The following OTUD5 variants were observed in gnomAD, a reference collection of about 807,000 sequenced individuals.
The protein encoded by OTUD5 is OTU deubiquitinase 5.
A neutral mutation model predicts 36.3 loss-of-function variants in OTUD5; 2 were observed. The observed-to-expected ratio is 0.06, with a 90% CI of 0.02 to 0.17. OTUD5 has a LOEUF of 0.17. Among genes scored for constraint, OTUD5 ranks in the 10% least tolerant of loss-of-function variants. The probability of loss-of-function intolerance (pLI) is 1.00; values close to 1 mark genes in which losing one functional copy is unlikely to be tolerated. For synonymous variants in OTUD5, 234 were observed against 214.9 expected, an observed-to-expected ratio of 1.09 and a Z score of -0.78; for missense variants, 233 against 512.3, an observed-to-expected ratio of 0.45 and a Z score of 5.26.
intron 1 of OTUD5, among the ~76,000 whole-genome samples, chrX:48,946,783 T>C (rs2064036610): frequency 8.9e-6 from 1 of 111,989 alleles, no homozygotes; most frequent in Non-Finnish European, 1.9e-5. Context: ...GTCCCAAACC[T>C]GACACAAGAA....
chrX:48,925,790 CA>C, intron 6 of OTUD5, 56 bp downstream of exon 6: 1 of 1,022,480 alleles, frequency 9.8e-7, no homozygotes, highest in East Asian at 3.2e-5. Flanking sequence ...CGCTTGAGGG[CA>C]AAGCATGAGA....
chrX:48,944,158 C>G, intron 2 of OTUD5, 32 bp downstream of exon 2: 2 of 1,048,389 alleles, frequency 1.9e-6, no homozygotes, highest in Non-Finnish European at 2.7e-6. Context: ...AGGGGCAGCC[C>G]TAGGCCCTTA....
intron 5 of OTUD5, among the ~76,000 whole-genome samples, chrX:48,932,872 C>T (rs2063777239): frequency 9.0e-6 from 1 of 110,611 alleles, no homozygotes; most frequent in Non-Finnish European, 1.9e-5. Flanking sequence ...CTCCCAGCTA[C>T]TCGGGAGGCT....
At chrX:48,928,917 T>C (rs782466231) in intron 5 of OTUD5, among the ~76,000 whole-genome samples, 5 of 101,535 alleles carry the variant, frequency 4.9e-5, no homozygotes, top group Non-Finnish European at 8.0e-5. Context: ...ACAAAGACAA[T>C]AGTGTTTGCA....
chrX:48,930,962 C>CA (rs372046426), intron 5 of OTUD5, among the ~76,000 whole-genome samples: 2,951 of 68,744 alleles, frequency 0.043, 134 homozygotes, highest in African/African-American at 0.14. Flanking sequence ...AACTCCCTCT[C>CA]AAAAAAAAAA....
intron 1 of OTUD5, among the ~76,000 whole-genome samples, chrX:48,954,244 C>T (rs1287214001): frequency 6.3e-5 from 7 of 110,822 alleles, no homozygotes; most frequent in South Asian, 3.8e-4. Context: ...TACAGGCATG[C>T]GCCACTATGC....
rs1557046329 is a variant in OTUD5, at chrX:48,922,087, G to A, written c.*1087C>T. The A allele has an allele frequency of 9.1e-6, 1 of 110,179 alleles. No individual in the cohort carries two copies. The highest frequency in any genetic ancestry group is 1.9e-5 in the Non-Finnish European group (1 of 52,726). 9.1% of individuals were successfully genotyped at this position (110,179 alleles called of 1,213,427 possible). A position where few individuals can be genotyped will look rare whatever the true frequency, so the allele number is the denominator to read the frequency against. On this transcript the variant is annotated 3_prime_UTR_variant, in exon 9 of 9. Coordinates refer to ENST00000376488, the MANE Select transcript of OTUD5 (RefSeq NM_001136157.2). Reference sequence around the variant, plus strand: ...GCAGCAAATCAAATACAAACTCCAGGCCCCCAGACAGACCCTGCTGGAGAG... The same window carrying A: ...GCAGCAAATCAAATACAAACTCCAGACCCCCAGACAGACCCTGCTGGAGAG...
chrX:48,931,631 T>A (rs1307859374), intron 5 of OTUD5, among the ~76,000 whole-genome samples: 1 of 107,755 alleles, frequency 9.3e-6, no homozygotes, highest in Non-Finnish European at 1.9e-5. Context: ...ATAGAAAAAT[T>A]AGCCAGGTGT....
chrX:48,926,298 C>T, intron 5 of OTUD5, among the ~76,000 whole-genome samples: 1 of 110,969 alleles, frequency 9.0e-6, no homozygotes. Context: ...CCCAAACCAC[C>T]TCAACTGAGG....
chrX:48,955,265 G>A (rs782005176), intron 1 of OTUD5, among the ~76,000 whole-genome samples: 1 of 111,695 alleles, frequency 9.0e-6, no homozygotes, highest in East Asian at 2.8e-4. Context: ...TGAGGTGACA[G>A]TACCCTCAGG....
chrX:48,934,349 A>G, intron 5 of OTUD5, 115 bp downstream of exon 5: 2 of 513,511 alleles, frequency 3.9e-6, no homozygotes, highest in South Asian at 3.8e-5. Flanking sequence ...TAAGGGTGAG[A>G]CCTCAGGGGA....
intron 1 of OTUD5, among the ~76,000 whole-genome samples, chrX:48,945,619 C>T (rs782789965): frequency 7.2e-5 from 8 of 110,731 alleles, no homozygotes; most frequent in Non-Finnish European, 1.1e-4. Context: ...CCAGAACTGA[C>T]AAGAATCTAT....
intron 2 of OTUD5, among the ~76,000 whole-genome samples, chrX:48,942,280 CAG>C (rs1557051262): frequency 3.7e-4 from 34 of 91,128 alleles, no homozygotes; most frequent in African/African-American, 1.4e-3. Flanking sequence ...CACACACACA[CAG>C]AGAACAGCTA....
chrX:48,951,078 C>G (rs1160512590), intron 1 of OTUD5, among the ~76,000 whole-genome samples: 2 of 107,163 alleles, frequency 1.9e-5, no homozygotes, highest in African/African-American at 6.9e-5. Flanking sequence ...CCTGGAATCT[C>G]CCTTCTCACC....
At chrX:48,946,443 G>A (rs1224514064) in intron 1 of OTUD5, among the ~76,000 whole-genome samples, 2 of 111,590 alleles carry the variant, frequency 1.8e-5, no homozygotes, top group African/African-American at 3.3e-5. Flanking sequence ...GGTGAGTAGC[G>A]GGACAGGAGG....
chrX:48,951,137 T>TG (rs2064134149), intron 1 of OTUD5, among the ~76,000 whole-genome samples: 1 of 12,678 alleles, frequency 7.9e-5, no homozygotes, highest in African/African-American at 3.3e-4. Flanking sequence ...GCCACTGAAG[T>TG]GGGGGTGGGG....
At chrX:48,923,820 C>T in intron 7 of OTUD5, 31 bp downstream of exon 7, 4 of 1,204,929 alleles carry the variant, frequency 3.3e-6, no homozygotes, top group Middle Eastern at 2.3e-4. Flanking sequence ...CTCCTAACTC[C>T]CAGCACATTC....
chrX:48,958,335 G>A (rs181118918), upstream of OTUD5: 2 of 112,894 alleles, frequency 1.8e-5, no homozygotes, highest in Non-Finnish European at 3.8e-5. Context: ...CAGCCGGAAT[G>A]ACTGGAAAAC....
At chrX:48,949,154 T>C (rs2064085790) in intron 1 of OTUD5, among the ~76,000 whole-genome samples, 1 of 111,871 alleles carries the variant, frequency 8.9e-6, no homozygotes, top group Non-Finnish European at 1.9e-5. Flanking sequence ...TTCCCTTCCC[T>C]TCCCCAGGAG....
Sources: gnomAD v4.1 joint callset for allele counts (sites outside exome capture counted in the v4.1 genomes callset) on GRCh38, gnomAD v4.1.1 for gene constraint, MANE v1.5 for transcripts, NCBI Gene and HGNC (gene_info 2026-07-23, HGNC 2026-07-21) for gene names.